Variants in ZDHHC20 observed in about 807,000 individuals in gnomAD.
The protein encoded by ZDHHC20 is zDHHC palmitoyltransferase 20.
Under a neutral mutation model 57.8 loss-of-function variants are expected in ZDHHC20, and 43 were observed. The observed-to-expected ratio is 0.74, with a 90% confidence interval of 0.58 to 0.96. ZDHHC20 has a LOEUF of 0.96. Among genes scored for constraint, ZDHHC20 ranks in the 40% least tolerant of loss-of-function variants. The probability of loss-of-function intolerance (pLI) is 0.00; values close to 1 mark genes in which losing one functional copy is unlikely to be tolerated. For synonymous variants in ZDHHC20, 157 were observed against 153.0 expected, an observed-to-expected ratio of 1.03 and a Z score of -0.19; for missense variants, 391 against 441.1, an observed-to-expected ratio of 0.89 and a Z score of 1.02.
intron 7 of ZDHHC20, among the ~76,000 whole-genome samples, chr13:21,395,355 C>T (rs1380394315): frequency 6.6e-6 from 1 of 151,728 alleles, no homozygotes; most frequent in Admixed American, 6.6e-5. Context: ...TGTAAGCCAC[C>T]GCGCCCGGCC....
At chr13:21,414,037 A>G (rs1176604768) in intron 3 of ZDHHC20, among the ~76,000 whole-genome samples, 1 of 152,156 alleles carries the variant, frequency 6.6e-6, no homozygotes, top group East Asian at 1.9e-4. Flanking sequence ...AATAAAATTA[A>G]ATTTCTACAC....
Position 21,378,645 on chromosome 13 carries a change from CT to C in ZDHHC20, c.*40+15del. The C allele has an allele frequency of 7.6e-7, 1 of 1,323,980 alleles. No homozygotes were observed. The highest frequency in any genetic ancestry group is 3.2e-5 in the Admixed American group (1 of 30,942). The allele number at this position is 1,323,980 out of a possible 1,614,324, so 82.0% of individuals were successfully genotyped here. On this transcript the variant is annotated intron_variant, in intron 12 of 12. Transcript: ENST00000400590. ...TAAGCTGCATTTATTCAAGGATTAC[CT>C]TTATACTGTCTTACCTTGCTCTTAT...
intron 1 of ZDHHC20, among the ~76,000 whole-genome samples, chr13:21,440,670 A>G (rs1482890512): frequency 6.6e-6 from 1 of 151,806 alleles, no homozygotes; most frequent in Admixed American, 6.6e-5. Context: ...ATGACAAAAG[A>G]AAGATTTTAT....
chr13:21,388,747 T>C (rs1236680420), intron 8 of ZDHHC20, among the ~76,000 whole-genome samples: 1 of 152,198 alleles, frequency 6.6e-6, no homozygotes, highest in Non-Finnish European at 1.5e-5. Context: ...GCAAACCTTA[T>C]GGAGTAAGAC....
Position 21,375,032 on chromosome 13 carries a change from G to C in ZDHHC20, c.*1664C>G, listed in dbSNP as rs1267147108. 2.3e-6 allele frequency: 1 copy of C among 426,566 alleles called. No homozygotes were observed. The highest frequency in any genetic ancestry group is 2.7e-5 in the Admixed American group (1 of 37,668). 26.4% of individuals were successfully genotyped at this position (426,566 alleles called of 1,614,324 possible). A position where few individuals can be genotyped will look rare whatever the true frequency, so the allele number is the denominator to read the frequency against. Reference sequence around the variant, plus strand: ...GCCTGTAATCCCAGCTACTTGGGAGGCTGAGGCAGGAGACTCTATTGAACC... The same window carrying C: ...GCCTGTAATCCCAGCTACTTGGGAGCCTGAGGCAGGAGACTCTATTGAACC... On this transcript the variant is annotated 3_prime_UTR_variant, in exon 13 of 13. Coordinates refer to ENST00000400590, the MANE Select transcript of ZDHHC20 (RefSeq NM_001330059.2).
At chr13:21,445,942 A>T (rs7989214) in intron 1 of ZDHHC20, among the ~76,000 whole-genome samples, 1 of 151,964 alleles carries the variant, frequency 6.6e-6, no homozygotes, top group Admixed American at 6.6e-5. Flanking sequence ...AGAGCTAGCC[A>T]TGCGGAAATC....
At chr13:21,447,177 AAAC>A (rs1261018797) in intron 1 of ZDHHC20, among the ~76,000 whole-genome samples, 1 of 151,652 alleles carries the variant, frequency 6.6e-6, no homozygotes, top group Non-Finnish European at 1.5e-5. Context: ...AAGTTACTTT[AAAC>A]AACCAGAGAC....
intron 1 of ZDHHC20, among the ~76,000 whole-genome samples, chr13:21,428,045 G>A (rs1881480823): frequency 6.6e-6 from 1 of 151,920 alleles, no homozygotes; most frequent in Non-Finnish European, 1.5e-5. Flanking sequence ...TAGAGGACAT[G>A]ACTTTTTCAC....
At chr13:21,378,192 G>GC (rs538539917) in intron 12 of ZDHHC20, among the ~76,000 whole-genome samples, 4 of 151,982 alleles carry the variant, frequency 2.6e-5, no homozygotes, top group Non-Finnish European at 5.9e-5. Context: ...ATACAGGTGT[G>GC]CATCAACACA....
chr13:21,445,153 C>A (rs1032843582), intron 1 of ZDHHC20, among the ~76,000 whole-genome samples: 2 of 151,708 alleles, frequency 1.3e-5, no homozygotes, highest in African/African-American at 4.8e-5. Flanking sequence ...GCATTACATG[C>A]CCCAAACACA....
intron 8 of ZDHHC20, among the ~76,000 whole-genome samples, chr13:21,389,967 A>G (rs914808408): frequency 6.6e-6 from 1 of 151,946 alleles, no homozygotes; most frequent in Non-Finnish European, 1.5e-5. Context: ...TAAAGATGAC[A>G]AAAAAAAGTA....
chr13:21,428,882 C>G (rs1224223031), intron 1 of ZDHHC20, among the ~76,000 whole-genome samples: 1 of 149,914 alleles, frequency 6.7e-6, no homozygotes, highest in Non-Finnish European at 1.5e-5. Flanking sequence ...TAAAACAAAA[C>G]AAAAGAACAA....
At chr13:21,425,813 A>G (rs1429840635) in intron 1 of ZDHHC20, 135 bp from the exon 2 acceptor site, 2 of 580,802 alleles carry the variant, frequency 3.4e-6, no homozygotes, top group Non-Finnish European at 2.4e-6. Context: ...ACACTAATGC[A>G]AAGTCAAAAT....
chr13:21,445,766 C>T (rs1164862940), intron 1 of ZDHHC20, among the ~76,000 whole-genome samples: 1 of 145,424 alleles, frequency 6.9e-6, no homozygotes, highest in Non-Finnish European at 1.6e-5. Context: ...AGTGAATATA[C>T]GACTGGAGAG....
At chr13:21,450,674 C>T (rs1313291185) in intron 1 of ZDHHC20, among the ~76,000 whole-genome samples, 1 of 151,840 alleles carries the variant, frequency 6.6e-6, no homozygotes, top group Non-Finnish European at 1.5e-5. Flanking sequence ...GCCACTGTAT[C>T]TTTCAAAGGC....
At position 21,400,391 on chromosome 13, in the gene ZDHHC20, G is replaced by C. The variant is rs1877449426; in HGVS notation, c.576C>G (p.Tyr192Ter). 6.3e-7 allele frequency: 1 copy of C among 1,590,886 alleles called. No homozygotes were observed. The highest frequency in any genetic ancestry group is 8.5e-7 in the Non-Finnish European group (1 of 1,173,808). ...GACTTACCGTCCAAAATTTTATAAA[G>C]TACTCTAAAACTGTTGCAGCCACGA... The part of the protein sequence containing the change: ...CLFVAATVLE[Y>*]FIKFWTNELT... Residue 192 changes from tyrosine (Y) to a stop codon, truncating the protein, a stop_gained, in exon 7 of 13, where the codon TAC becomes TAG. Transcript: ENST00000400590. LOFTEE classifies it high-confidence loss of function.
chr13:21,401,792 T>G, intron 5 of ZDHHC20, 107 bp from the exon 6 acceptor site: 1 of 987,390 alleles, frequency 1.0e-6, no homozygotes. Flanking sequence ...CAACTACATC[T>G]TAAGAGAATC....
intron 3 of ZDHHC20, among the ~76,000 whole-genome samples, chr13:21,418,685 GTTGTCTGAGACAGGGTC>G (rs375972803): frequency 0.033 from 4,973 of 152,128 alleles, 253 homozygotes; most frequent in African/African-American, 0.11. Flanking sequence ...TGTTGTTGCT[GTTGTCTGAGACAGGGTC>G]TCACTCTGCT....
intron 2 of ZDHHC20, among the ~76,000 whole-genome samples, chr13:21,424,663 A>G (rs1234619860): frequency 6.7e-6 from 1 of 149,542 alleles, no homozygotes; most frequent in African/African-American, 2.5e-5. Context: ...GTGAGCCTAG[A>G]TTGCGCCACT....
Sources: gnomAD v4.1 joint callset for allele counts (sites outside exome capture counted in the v4.1 genomes callset) on GRCh38, gnomAD v4.1.1 for gene constraint, MANE v1.5 for transcripts, NCBI Gene and HGNC (gene_info 2026-07-23, HGNC 2026-07-21) for gene names.